The following CPSF1 variants were observed in gnomAD, a reference collection of about 807,000 sequenced individuals.
CPSF1 encodes the protein cleavage and polyadenylation specific factor 1, also known as cleavage and polyadenylation specificity factor subunit 1.
Under a neutral mutation model 175.8 loss-of-function variants are expected in CPSF1, and 106 were observed. The ratio of observed to expected loss-of-function variants is 0.60; its 90% CI spans 0.52 to 0.71. The LOEUF is 0.71. Among genes scored for constraint, CPSF1 ranks in the 30% least tolerant of loss-of-function variants. CPSF1 has a pLI of 0.00. For synonymous variants in CPSF1, 1,024 were observed against 858.3 expected (o/e 1.19, Z -3.37); for missense variants, 1,734 against 2,022.9 (o/e 0.86, Z 2.74).
At chr8:144,407,883 T>TGGTG (rs2116909625) in intron 2 of CPSF1, among the ~76,000 whole-genome samples, 28 of 152,060 alleles carry the variant, frequency 1.8e-4, no homozygotes, top group African/African-American at 5.8e-4. Context: ...GCTTCAGTCT[T>TGGTG]GGTGGGTGTC....
At position 144,397,064 on chromosome 8, in the gene CPSF1, T is replaced by C. The variant is rs1178168709; in HGVS notation, c.2593-135A>G. ...AGCCATGTATGGGAAGGGGCGGGGC[T>C]GTGAGGGAGATGGGGTGGAGCCACG... On this transcript the variant is annotated intron_variant, in intron 23 of 37. Transcript: ENST00000616140. 1.5e-4 allele frequency: 116 copies of C among 782,300 alleles called. No homozygotes were observed. The African/African-American group carries it at 2.2e-3, about 15-fold the overall frequency. 48.5% of individuals were successfully genotyped at this position (782,300 alleles called of 1,614,324 possible). A position where few individuals can be genotyped will look rare whatever the true frequency, so the allele number is the denominator to read the frequency against.
At position 144,399,101 on chromosome 8, in the gene CPSF1, C is replaced by G; in HGVS notation, c.1467+27G>C. ...CCCCCCTCACACTCCAGCCCCTGCC[C>G]CCAGCCCCGACCCCAACCCTGGGCA... On this transcript the variant is annotated intron_variant, in intron 15 of 37. Transcript: ENST00000616140. The surrounding 1 kb of genome is among the most constrained non-coding windows in gnomAD (Gnocchi z 6.4). 1 of 1,549,416 alleles carries G rather than the reference C, an allele frequency of 6.5e-7. No individual in the cohort carries two copies. The highest frequency in any genetic ancestry group is 8.7e-7 in the Non-Finnish European group (1 of 1,147,274).
In CPSF1 at chr8:144,397,218, G is replaced by C; in HGVS notation, c.2581C>G (p.Pro861Ala). The C allele has an allele frequency of 6.5e-7, 1 of 1,543,902 alleles. No homozygotes were observed. The highest frequency in any genetic ancestry group is 8.7e-7 in the Non-Finnish European group (1 of 1,144,580). The change falls in exon 23 of 38, where the codon CCC becomes GCC. Residue 861 changes from proline to alanine, a missense_variant. Pro to Ala is a conservative substitution (Grantham distance 27, BLOSUM62 -1). Around this residue, in one of 10 missense-constraint regions of CPSF1, gnomAD observed 585 missense variants for 584.7 expected, o/e 1.00. Transcript: ENST00000616140. Reference protein sequence around the residue: ...LVALGSRQSRPYLLVHVDQEL... With the variant: ...LVALGSRQSRAYLLVHVDQEL... ...CCAGGCGCACTCACCAGCAGGTAGGGCCTGCTCTGGCGGCTGCCCAGCGCC... is the reference window on the plus strand; with the variant it reads ...CCAGGCGCACTCACCAGCAGGTAGGCCCTGCTCTGGCGGCTGCCCAGCGCC...
chr8:144,397,926 G>GGAGGGCGCCGGGAAT, intron 20 of CPSF1, 28 bp downstream of exon 20: 1 of 1,599,788 alleles, frequency 6.3e-7, no homozygotes, highest in Non-Finnish European at 8.5e-7. Context: ...GGCAGGGACA[G>GGAGGGCGCCGGGAAT]GAGGGCGCCG....
At chr8:144,404,501 G>C (rs1237196947) in intron 2 of CPSF1, among the ~76,000 whole-genome samples, 2 of 151,100 alleles carry the variant, frequency 1.3e-5, no homozygotes, top group African/African-American at 4.9e-5. Context: ...GAGTAGCTGG[G>C]ACTACAAGCG....
rs1554862019 is a variant in CPSF1 at position 144,393,441 on chromosome 8, C to T, written c.4284+11G>A. On this transcript the variant is annotated intron_variant, in intron 37 of 37. Transcript: ENST00000616140. Reference sequence around the variant, plus strand: ...GGGGCGGGGCGCGCGGGGGGCGGGGCGCGCACTCACTATGTCTGGTGTGGT... The same window carrying T: ...GGGGCGGGGCGCGCGGGGGGCGGGGTGCGCACTCACTATGTCTGGTGTGGT... 2.6e-6 allele frequency: 4 copies of T among 1,543,706 alleles called. No individual in the cohort carries two copies. The highest frequency in any genetic ancestry group is 2.6e-6 in the Non-Finnish European group (3 of 1,144,922).
intron 5 of CPSF1, 29 bp from the exon 6 acceptor site, chr8:144,401,104 C>G: frequency 6.2e-7 from 1 of 1,605,590 alleles, no homozygotes; most frequent in Non-Finnish European, 8.5e-7. Flanking sequence ...TCAGCCAGGC[C>G]CAGCATAGGA....
At chr8:144,408,053 C>A (rs1442743341) in intron 2 of CPSF1, among the ~76,000 whole-genome samples, 3 of 152,192 alleles carry the variant, frequency 2.0e-5, no homozygotes, top group Non-Finnish European at 4.4e-5. Flanking sequence ...CATATGTATG[C>A]CGGGGTAGGT....
chr8:144,403,805 C>T (rs2116896013), intron 2 of CPSF1, among the ~76,000 whole-genome samples: 3 of 151,894 alleles, frequency 2.0e-5, no homozygotes, highest in Non-Finnish European at 4.4e-5. Context: ...CCACCTTGGC[C>T]TCCCAAAGTG....
intron 26 of CPSF1, 131 bp downstream of exon 26, chr8:144,396,217 C>A (rs1820716408): frequency 8.2e-6 from 8 of 978,444 alleles, no homozygotes; most frequent in Non-Finnish European, 1.2e-5. Context: ...TCGACCTCAA[C>A]CCCATCGCCC....
At chr8:144,398,501 C>CAGGTCCT (rs2116851083) in intron 18 of CPSF1, 24 bp downstream of exon 18, 1 of 1,613,694 alleles carries the variant, frequency 6.2e-7, no homozygotes. Context: ...CCCCAGGTCC[C>CAGGTCCT]AGGTCCCAGG....
At chr8:144,396,263 A>G in intron 26 of CPSF1, 85 bp downstream of exon 26, 1 of 1,374,086 alleles carries the variant, frequency 7.3e-7, no homozygotes, top group South Asian at 1.3e-5. Context: ...GGGTGGAGCC[A>G]ATGGTCCCTT....
rs1422836737 is a variant in CPSF1, at chr8:144,401,739, G to A, written c.145-66C>T. 85 of 1,513,294 alleles carry A rather than the reference G, an allele frequency of 5.6e-5. No individual in the cohort carries two copies. The East Asian group carries it at 6.8e-4, about 12-fold the overall frequency. 93.7% of individuals were successfully genotyped at this position (1,513,294 alleles called of 1,614,324 possible). On this transcript the variant is annotated intron_variant, in intron 2 of 37. Transcript: ENST00000616140. ...TGGCAGCTCACCTCATCCGGGGAAC[G>A]AGAAAAGACCACCAAGCCTGGCCCC...
At chr8:144,407,509 CTG>C (rs1445328775) in intron 2 of CPSF1, among the ~76,000 whole-genome samples, 2 of 152,040 alleles carry the variant, frequency 1.3e-5, no homozygotes, top group African/African-American at 4.8e-5. Context: ...TGGCGAAACC[CTG>C]TCTCTATTAA....
At position 144,396,824 on chromosome 8, in the gene CPSF1, G is replaced by A. The variant is rs782760301; in HGVS notation, c.2682+16C>T. On this transcript the variant is annotated intron_variant, in intron 24 of 37. Coordinates refer to ENST00000616140, the MANE Select transcript of CPSF1 (RefSeq NM_013291.3). Reference sequence around the variant, plus strand: ...ACCACACCCACCCCACGCCCCAGCAGTCCAGCCACTGGCACCTTCTTAAAG... The same window carrying A: ...ACCACACCCACCCCACGCCCCAGCAATCCAGCCACTGGCACCTTCTTAAAG... 1.3e-5 allele frequency: 21 copies of A among 1,613,602 alleles called. No individual in the cohort carries two copies. The highest frequency in any genetic ancestry group is 2.2e-5 in the South Asian group (2 of 91,076).
rs558467962 is a variant in CPSF1 at position 144,394,814 on chromosome 8, G to C, written c.3415-18C>G. 1.2e-6 allele frequency: 2 copies of C among 1,613,252 alleles called. No homozygotes were observed. Among genetic ancestry groups the C allele is most frequent in the African/African-American group, 2.7e-5 (2 of 75,038 alleles). Reference sequence around the variant, plus strand: ...ATCAAGATCTGGAGGGCATGGGTATGGCTGTGGGATGGCTGTGGGGATGGC... The same window carrying C: ...ATCAAGATCTGGAGGGCATGGGTATCGCTGTGGGATGGCTGTGGGGATGGC... On this transcript the variant is annotated intron_variant, in intron 30 of 37. Coordinates refer to ENST00000616140, the MANE Select transcript of CPSF1 (RefSeq NM_013291.3).
chr8:144,394,950 C>A lies in CPSF1; in HGVS notation c.3346G>T (p.Gly1116Cys). Residue 1116 changes from glycine to cysteine, a missense_variant, in exon 30 of 38, where the codon GGC (glycine) becomes TGC (cysteine). Gly to Cys is a radical substitution (Grantham distance 159). Coordinates refer to ENST00000616140, the MANE Select transcript of CPSF1 (RefSeq NM_013291.3). ...CCGGCGGCCACGTAGCCTTTGAGGC[C>A]CGACACGGTCTCCTCACTGCGCAGA... ...VSLRSEETVSGLKGYVAAGTC... is the reference protein window; with the variant it reads ...VSLRSEETVSCLKGYVAAGTC... 1 of 1,613,018 alleles carries A rather than the reference C, an allele frequency of 6.2e-7. No homozygotes were observed. Among genetic ancestry groups the A allele is most frequent in the Non-Finnish European group, 8.5e-7 (1 of 1,179,946 alleles).
At chr8:144,406,079 G>C (rs782676737) in intron 2 of CPSF1, among the ~76,000 whole-genome samples, 1 of 152,126 alleles carries the variant, frequency 6.6e-6, no homozygotes, top group South Asian at 2.1e-4. Flanking sequence ...ACAGAGCCAC[G>C]ACTAGACTGA....
chr8:144,393,475 T>C lies in CPSF1; in HGVS notation c.4261A>G (p.Lys1421Glu). 1 of 1,562,182 alleles carries C rather than the reference T, an allele frequency of 6.4e-7. No homozygotes were observed. The highest frequency in any genetic ancestry group is 8.7e-7 in the Non-Finnish European group (1 of 1,154,380). The change falls in exon 37 of 38, where the codon AAG (lysine) becomes GAG (glutamate). Residue 1421 changes from lysine to glutamate, a missense_variant. Transcript: ENST00000616140. ...STMERSELAKKIGTTPDIILD... is the reference protein window; with the variant it reads ...STMERSELAKEIGTTPDIILD... ...ACTATGTCTGGTGTGGTGCCGATCT[T>C]CTTGGCTAGCTCGCTGCGCTCCATG...
Sources: allele counts gnomAD v4.1 joint callset (sites outside exome capture counted in the v4.1 genomes callset), GRCh38; gene constraint gnomAD v4.1.1; regional missense constraint gnomAD v4.1.1; non-coding constraint Gnocchi (gnomAD v3.1); transcripts MANE v1.5; gene names NCBI Gene and HGNC (gene_info 2026-07-23, HGNC 2026-07-21).